STAMBP: variants seen among roughly 807,000 people sequenced by gnomAD.
STAMBP encodes the protein STAM-binding protein.
In STAMBP, 31 loss-of-function variants were observed where a neutral mutation model predicts 50.7. The ratio of observed to expected loss-of-function variants is 0.61; its 90% CI spans 0.46 to 0.83. STAMBP has a LOEUF of 0.83. Among genes scored for constraint, STAMBP ranks in the 40% least tolerant of loss-of-function variants. The pLI is 0.00. For missense variants in STAMBP, 472 were observed against 518.9 expected (o/e 0.91, Z 0.88); for synonymous variants, 211 against 192.4 (o/e 1.10, Z -0.80).
chr2:73,833,152 G>A (rs906865301), intron 2 of STAMBP, among the ~76,000 whole-genome samples: 1 of 152,210 alleles, frequency 6.6e-6, no homozygotes, highest in Admixed American at 6.5e-5. Context: ...GCCTTATTTG[G>A]TCATGTTTTG....
chr2:73,832,676 T>C (rs1674118827), intron 2 of STAMBP, among the ~76,000 whole-genome samples: 1 of 152,192 alleles, frequency 6.6e-6, no homozygotes, highest in African/African-American at 2.4e-5. Flanking sequence ...TGAATCATTA[T>C]TTGTGGTGGG....
chr2:73,842,474 C>T (rs1342647444), intron 2 of STAMBP, among the ~76,000 whole-genome samples: 1 of 152,188 alleles, frequency 6.6e-6, no homozygotes, highest in Non-Finnish European at 1.5e-5. Context: ...GGACTCTGGC[C>T]ACCTGGGACT....
At chr2:73,869,755 AAAAT>A (rs1169919584), downstream of STAMBP, among the ~76,000 whole-genome samples, 3 of 152,148 alleles carry the variant, frequency 2.0e-5, no homozygotes, top group African/African-American at 4.8e-5. Context: ...ATAAAAATAA[AAAAT>A]AAACCTATAA....
chr2:73,859,654 G>A (rs1237610848), intron 8 of STAMBP, among the ~76,000 whole-genome samples: 2 of 148,584 alleles, frequency 1.3e-5, no homozygotes, highest in Non-Finnish European at 3.0e-5. Flanking sequence ...TTTTATGTTG[G>A]ATTAGAAAGT....
chr2:73,852,677 CTTTTG>C lies in STAMBP; in HGVS notation c.1005+2179_1005+2183del, dbSNP rs958849500. 1.4e-4 allele frequency among the ~76,000 whole-genome samples: 21 copies of C among 152,140 alleles called. 1 individual carries two copies. The highest frequency in any genetic ancestry group is 3.4e-4 in the African/African-American group (14 of 41,540). On this transcript the variant is annotated intron_variant, in intron 7 of 9. Coordinates refer to ENST00000394070, the MANE Select transcript of STAMBP (RefSeq NM_213622.4). ...CAGAAGCCATAGGAGGAGGAAGGCTCTTTTGTTTTGTTTTGTTTTTGAGACGGAGT... is the reference window on the plus strand; with the variant it reads ...CAGAAGCCATAGGAGGAGGAAGGCTCTTTTGTTTTGTTTTTGAGACGGAGT...
intron 2 of STAMBP, among the ~76,000 whole-genome samples, chr2:73,836,524 G>T (rs558492980): frequency 3.9e-5 from 6 of 152,376 alleles, no homozygotes; most frequent in African/African-American, 1.4e-4. Flanking sequence ...GTGGAGGAGG[G>T]AGCTGTGGGA....
chr2:73,859,160 T>C (rs76305876), intron 7 of STAMBP, 94 bp from the exon 8 acceptor site: 2 of 902,602 alleles, frequency 2.2e-6, no homozygotes, highest in East Asian at 2.4e-5. Context: ...GCAGTTGATA[T>C]GGATAGCTTT....
At chr2:73,831,098 T>A (rs1163374763) in intron 2 of STAMBP, 39 bp downstream of exon 2, 1 of 1,549,322 alleles carries the variant, frequency 6.5e-7, no homozygotes, top group East Asian at 2.2e-5. Context: ...TTCTGGTGAC[T>A]GGTGCCTCGC....
At chr2:73,853,472 C>T (rs1677121915) in intron 7 of STAMBP, among the ~76,000 whole-genome samples, 1 of 152,094 alleles carries the variant, frequency 6.6e-6, no homozygotes, top group Non-Finnish European at 1.5e-5. Flanking sequence ...GCCTGTAATC[C>T]CAGCAGTTTG....
chr2:73,858,114 C>G (rs2104659530), intron 7 of STAMBP, among the ~76,000 whole-genome samples: 1 of 150,858 alleles, frequency 6.6e-6, no homozygotes, highest in South Asian at 2.1e-4. Context: ...TCCTAAGTAG[C>G]TGGGACTACA....
intron 7 of STAMBP, among the ~76,000 whole-genome samples, chr2:73,852,917 GGTGTGTGTGTGTGTGTGTGTGT>G (rs56684009): frequency 0.042 from 5,139 of 122,850 alleles, 329 homozygotes; most frequent in African/African-American, 0.14. Flanking sequence ...ATGTTGGCCA[GGTGTGTGTGTGTGTGTGTGTGT>G]GTGTGTGTGT....
chr2:73,845,642 T>G (rs74708227), intron 4 of STAMBP, among the ~76,000 whole-genome samples: 3,282 of 151,920 alleles, frequency 0.022, 116 homozygotes, highest in African/African-American at 0.075. Context: ...TATTTTTTTT[T>G]TTTTTTTTTG....
rs1311014408 is a variant in STAMBP at position 73,834,230 on chromosome 2, AAAAAAAATATATATATATATATATATAT to A, written c.203+3173_203+3200del. On this transcript the variant is annotated intron_variant, in intron 2 of 9. Transcript: ENST00000394070. Reference sequence around the variant, plus strand: ...GTCTTAAAAAAAAAAAAAAAAAAAAAAAAAAAATATATATATATATATATATATATATATATATATATATATATATATA... The same window carrying A: ...GTCTTAAAAAAAAAAAAAAAAAAAAAATATATATATATATATATATATATA... Among the ~76,000 whole-genome samples, 29 of 19,448 alleles carry A rather than the reference AAAAAAAATATATATATATATATATATAT, an allele frequency of 1.5e-3. 2 individuals are homozygous for A. The highest frequency in any genetic ancestry group is 5.6e-3 in the African/African-American group (27 of 4,848). The allele number at this position is 19,448 out of a possible 152,430, so 12.8% of individuals were successfully genotyped here.
intron 4 of STAMBP, 47 bp downstream of exon 4, chr2:73,845,309 T>C: frequency 3.8e-6 from 5 of 1,306,286 alleles, no homozygotes; most frequent in Non-Finnish European, 5.5e-6. Context: ...TTTTTTAGGC[T>C]GTGCCCTGGG....
rs758876229 is a variant in STAMBP, at chr2:73,849,391, G to T, written c.771G>T (p.Val257=). Residue 257 remains valine, a synonymous_variant, in exon 6 of 10, where the codon GTG becomes GTT. Coordinates refer to ENST00000394070, the MANE Select transcript of STAMBP (RefSeq NM_213622.4). ...CCACAATCGATGGATTGCGCCATGT[G>T]GTGGTGCCTGGGCGGCTGTGCCCAC... is the stretch of plus-strand genomic sequence containing the variant. ...SIPTIDGLRH[V]VVPGRLCPQF... is the part of the protein sequence containing the mutation. 5.9e-5 allele frequency: 95 copies of T among 1,614,074 alleles called. 1 individual carries two copies. In the South Asian group the frequency reaches 1.0e-3, roughly 17 times the overall value.
intron 1 of STAMBP, among the ~76,000 whole-genome samples, chr2:73,830,250 A>G (rs1337688120): frequency 6.6e-6 from 1 of 152,248 alleles, no homozygotes; most frequent in Admixed American, 6.5e-5. Context: ...TAGATTGACT[A>G]TAGTGGTTTA....
Position 73,850,359 on chromosome 2 carries a change from G to A in STAMBP, c.868-17G>A, listed in dbSNP as rs1199188666. ...GAGCACCAGGGAATTGTGACCAGCT[G>A]TTTTCTCCTTTGGCAGATGAGGAAT... On this transcript the variant is annotated splice_polypyrimidine_tract_variant and intron_variant, in intron 6 of 9. Coordinates refer to ENST00000394070, the MANE Select transcript of STAMBP (RefSeq NM_213622.4). This position sits in a 1 kb window ranked among gnomAD's most constrained non-coding sequence, Gnocchi z 4.3. The A allele has an allele frequency of 1.9e-6, 3 of 1,600,046 alleles. No individual in the cohort carries two copies. The highest frequency in any genetic ancestry group is 4.5e-5 in the East Asian group (2 of 44,156).
intron 7 of STAMBP, among the ~76,000 whole-genome samples, chr2:73,857,507 C>T (rs566135501): frequency 6.6e-5 from 10 of 152,280 alleles, no homozygotes; most frequent in African/African-American, 2.4e-4. Context: ...TCTTCGTCCA[C>T]AGTTTACTTT....
intron 7 of STAMBP, among the ~76,000 whole-genome samples, chr2:73,852,018 G>T (rs970508083): frequency 6.6e-6 from 1 of 152,140 alleles, no homozygotes; most frequent in African/African-American, 2.4e-5. Context: ...CCACTTTTTA[G>T]TAAGTGGAAA....
Sources: gnomAD v4.1 joint callset for allele counts (sites outside exome capture counted in the v4.1 genomes callset) on GRCh38, gnomAD v4.1.1 for gene constraint, Gnocchi (gnomAD v3.1) non-coding constraint, MANE v1.5 for transcripts, NCBI Gene and HGNC (gene_info 2026-07-23, HGNC 2026-07-21) for gene names.